The following CADM2 variants were observed in gnomAD, a reference collection of about 807,000 sequenced individuals.
CADM2 encodes the protein immunoglobulin superfamily member 4D.
CADM2 carries 12 observed loss-of-function variants against 49.8 expected under a neutral mutation model. That is an observed-to-expected ratio of 0.24 (90% CI 0.15 to 0.39). CADM2 has a LOEUF of 0.39. CADM2 is among the 10% of genes least tolerant of loss of function. The pLI, the probability that CADM2 is intolerant of heterozygous loss-of-function variation, is 1.00. For synonymous variants in CADM2, 214 were observed against 175.4 expected (o/e 1.22, Z -1.74); for missense variants, 378 against 492.3 (o/e 0.77, Z 2.20).
At chr3:85,932,114 T>C (rs1434814549) in intron 6 of CADM2, among the ~76,000 whole-genome samples, 1 of 150,830 alleles carries the variant, frequency 6.6e-6, no homozygotes, top group Non-Finnish European at 1.5e-5. Flanking sequence ...AAATAGTGGC[T>C]GTGGAACTAT....
intron 1 of CADM2, among the ~76,000 whole-genome samples, chr3:85,385,949 A>C (rs2034204049): frequency 6.6e-6 from 1 of 152,144 alleles, no homozygotes; most frequent in Non-Finnish European, 1.5e-5. Flanking sequence ...ATCATGTTTT[A>C]AGAATAAATG....
chr3:86,023,004 CA>C (rs576293898), intron 8 of CADM2, among the ~76,000 whole-genome samples: 2 of 151,548 alleles, frequency 1.3e-5, no homozygotes, highest in African/African-American at 2.4e-5. Flanking sequence ...AAATATATAG[CA>C]AAAAAAAGAA....
At chr3:85,740,756 C>A (rs1274560267) in intron 2 of CADM2, among the ~76,000 whole-genome samples, 1 of 152,196 alleles carries the variant, frequency 6.6e-6, no homozygotes, top group South Asian at 2.1e-4. Flanking sequence ...CACAAGGAAT[C>A]TGCCCACACA....
At chr3:86,042,828 C>T (rs1736131156) in intron 8 of CADM2, among the ~76,000 whole-genome samples, 1 of 152,176 alleles carries the variant, frequency 6.6e-6, no homozygotes, top group South Asian at 2.1e-4. Flanking sequence ...CAAAAATCCT[C>T]AATAAAATAC....
intron 8 of CADM2, among the ~76,000 whole-genome samples, chr3:86,041,047 C>G (rs980276417): frequency 1.3e-5 from 2 of 152,082 alleles, no homozygotes; most frequent in African/African-American, 4.8e-5. Context: ...ATTTTGTCAC[C>G]ACCAGGCCTG....
chr3:85,121,463 T>C (rs2038860843), intron 1 of CADM2, among the ~76,000 whole-genome samples: 1 of 152,082 alleles, frequency 6.6e-6, no homozygotes, highest in Admixed American at 6.6e-5. Context: ...AGGAGGAAAG[T>C]GATCTGCAAA....
At chr3:85,862,400 C>A (rs17879296) in intron 3 of CADM2, among the ~76,000 whole-genome samples, 54,572 of 151,818 alleles carry the variant, frequency 0.36, 10,073 homozygotes, top group East Asian at 0.46. Flanking sequence ...TTTCATAGAC[C>A]ATTGAAATGA....
chr3:85,771,867 G>A (rs1275311379), intron 2 of CADM2, among the ~76,000 whole-genome samples: 2 of 152,030 alleles, frequency 1.3e-5, no homozygotes, highest in African/African-American at 4.8e-5. Flanking sequence ...TTTTCTGAAT[G>A]ATCAGAAAGA....
At chr3:85,626,247 A>G (rs1314654064) in intron 1 of CADM2, among the ~76,000 whole-genome samples, 3 of 152,036 alleles carry the variant, frequency 2.0e-5, no homozygotes, top group Non-Finnish European at 4.4e-5. Context: ...TAAAAGTGAC[A>G]GCTCAATAAT....
rs543519069 is a variant in CADM2, at chr3:85,634,386, T to C, written c.62-92136T>C. On this transcript the variant is annotated intron_variant, in intron 1 of 9. Coordinates refer to ENST00000383699, the MANE Select transcript of CADM2 (RefSeq NM_001167675.2). ...ACTGAAGACATTGCCTAGGGACATA[T>C]TTTTTAATTTTAAATATTTTTGAGC... Among the ~76,000 whole-genome samples, 74 of 152,072 alleles carry C rather than the reference T, an allele frequency of 4.9e-4. 1 individual carries two copies. The East Asian group carries it at 0.014, about 28-fold the overall frequency.
chr3:86,041,385 A>T (rs1034755549), intron 8 of CADM2, among the ~76,000 whole-genome samples: 2 of 152,212 alleles, frequency 1.3e-5, no homozygotes, highest in Non-Finnish European at 2.9e-5. Context: ...GGATGGAGGA[A>T]GATCTACGAA....
chr3:85,032,653 T>C (rs1014854973), intron 1 of CADM2, among the ~76,000 whole-genome samples: 1 of 152,222 alleles, frequency 6.6e-6, no homozygotes, highest in African/African-American at 2.4e-5. Flanking sequence ...GAAGTCTGCA[T>C]TCTTATATTA....
intron 1 of CADM2, among the ~76,000 whole-genome samples, chr3:85,320,912 G>T (rs1401245701): frequency 2.1e-5 from 3 of 144,338 alleles, no homozygotes; most frequent in African/African-American, 2.5e-5. Context: ...TTCCTATAGT[G>T]GTGATTTATT....
intron 1 of CADM2, among the ~76,000 whole-genome samples, chr3:85,087,120 T>C (rs1333877240): frequency 1.3e-5 from 2 of 152,112 alleles, no homozygotes; most frequent in Non-Finnish European, 2.9e-5. Flanking sequence ...AAACTTCTGA[T>C]GACAGCAGAA....
chr3:85,542,800 G>C (rs960172545), intron 1 of CADM2, among the ~76,000 whole-genome samples: 1 of 152,148 alleles, frequency 6.6e-6, no homozygotes, highest in Non-Finnish European at 1.5e-5. Context: ...AACAACATAA[G>C]AAAGTTTAGC....
intron 1 of CADM2, among the ~76,000 whole-genome samples, chr3:85,181,153 A>G (rs374505135): frequency 6.6e-6 from 1 of 152,296 alleles, no homozygotes; most frequent in Admixed American, 6.5e-5. Context: ...TGATAATTTT[A>G]TAAGAGCAAA....
At chr3:85,214,063 T>C (rs1327938103) in intron 1 of CADM2, among the ~76,000 whole-genome samples, 3 of 152,170 alleles carry the variant, frequency 2.0e-5, no homozygotes, top group Non-Finnish European at 4.4e-5. Flanking sequence ...GTCACTAGTG[T>C]GTTATTTAGT....
intron 1 of CADM2, among the ~76,000 whole-genome samples, chr3:85,367,336 C>T (rs905681058): frequency 2.0e-4 from 30 of 151,872 alleles, no homozygotes; most frequent in Non-Finnish European, 3.5e-4. Context: ...GGAATGCAAA[C>T]GAAATAGAAT....
chr3:85,590,258 C>T (rs1400779474), intron 1 of CADM2, among the ~76,000 whole-genome samples: 1 of 151,946 alleles, frequency 6.6e-6, no homozygotes, highest in African/African-American at 2.4e-5. Flanking sequence ...TGGCCTTTGA[C>T]ATATGACAAA....
Sources: gnomAD v4.1 joint callset for allele counts (sites outside exome capture counted in the v4.1 genomes callset) on GRCh38, gnomAD v4.1.1 for gene constraint, MANE v1.5 for transcripts, NCBI Gene and HGNC (gene_info 2026-07-23, HGNC 2026-07-21) for gene names.